CDH4: variants seen among roughly 807,000 people sequenced by gnomAD.
CDH4 encodes the protein cadherin 4.
In CDH4, 33 loss-of-function variants were observed where a neutral mutation model predicts 86.0. The ratio of observed to expected loss-of-function variants is 0.38; its 90% CI spans 0.29 to 0.51. The LOEUF (loss-of-function observed/expected upper bound fraction) is 0.51, where lower values mean the gene tolerates loss of function less well. Among genes scored for constraint, CDH4 ranks in the 20% least tolerant of loss-of-function variants. The pLI is 0.86. For synonymous variants in CDH4, 555 were observed against 549.4 expected (o/e 1.01, Z -0.14); for missense variants, 1,114 against 1,307.4 (o/e 0.85, Z 2.28).
At position 61,923,574 on chromosome 20, in the gene CDH4, G is replaced by A. The variant is rs1040957286; in HGVS notation, c.1498G>A (p.Asp500Asn). Residue 500 changes from aspartate to asparagine, a missense_variant, in exon 10 of 16, where the codon GAC (aspartate) becomes AAC (asparagine). Asp to Asn is a conservative substitution (Grantham distance 23). This residue lies in a region of CDH4 where 705 missense variants were observed against 914.1 expected (regional missense o/e 0.77). Coordinates refer to ENST00000614565, the MANE Select transcript of CDH4 (RefSeq NM_001794.5). Reference protein sequence around the residue: ...STAGVTISIMDINEAPYFPSN... With the variant: ...STAGVTISIMNINEAPYFPSN... Reference sequence around the variant, plus strand: ...GGCAGGGGTGACCATCTCCATCATGGACATCAACGAGGCTCCCTACTTCCC... The same window carrying A: ...GGCAGGGGTGACCATCTCCATCATGAACATCAACGAGGCTCCCTACTTCCC... The A allele has an allele frequency of 6.2e-7, 1 of 1,614,170 alleles. No homozygotes were observed. Among genetic ancestry groups the A allele is most frequent in the Admixed American group, 1.7e-5 (1 of 60,026 alleles).
At chr20:61,857,177 CG>C (rs1252452903) in intron 6 of CDH4, among the ~76,000 whole-genome samples, 1 of 152,240 alleles carries the variant, frequency 6.6e-6, no homozygotes. Flanking sequence ...GGCACACAAC[CG>C]GGGGACACCC....
intron 11 of CDH4, among the ~76,000 whole-genome samples, chr20:61,926,995 G>A (rs78717779): frequency 2.7e-5 from 4 of 148,920 alleles, no homozygotes; most frequent in East Asian, 4.1e-4. Context: ...GGAGCCCCCC[G>A]GTTAACAGAA....
At chr20:61,840,892 C>G (rs574805052) in intron 4 of CDH4, among the ~76,000 whole-genome samples, 2 of 152,378 alleles carry the variant, frequency 1.3e-5, no homozygotes, top group South Asian at 4.1e-4. Context: ...GGCGGCCAAA[C>G]GGGCCTGGAG....
At chr20:61,536,536 C>T (rs1187168993) in intron 2 of CDH4, among the ~76,000 whole-genome samples, 5 of 152,090 alleles carry the variant, frequency 3.3e-5, no homozygotes, top group African/African-American at 9.7e-5. Flanking sequence ...AGCCAGGCCC[C>T]TCACCCCTTC....
intron 2 of CDH4, among the ~76,000 whole-genome samples, chr20:61,267,527 T>C (rs1046814249): frequency 7.6e-4 from 115 of 152,306 alleles, no homozygotes; most frequent in African/African-American, 2.7e-3. Flanking sequence ...AGTAATGGGG[T>C]ATTTTATATT....
chr20:61,532,262 T>G (rs1322814340), intron 2 of CDH4, among the ~76,000 whole-genome samples: 1 of 152,240 alleles, frequency 6.6e-6, no homozygotes. Context: ...CTCTGTCCCC[T>G]GCCTCCAGGC....
rs533451000 is a variant in CDH4, at chr20:61,793,328, G to A, written c.576+20146G>A. On this transcript the variant is annotated intron_variant, in intron 4 of 15. Transcript: ENST00000614565. ...AGCAGAGCAAACATTAGTTCTTGGCGACAAAAAAAACAACTTAGATATTAT... is the reference window on the plus strand; with the variant it reads ...AGCAGAGCAAACATTAGTTCTTGGCAACAAAAAAAACAACTTAGATATTAT... 5.3e-4 allele frequency among the ~76,000 whole-genome samples: 78 copies of A among 148,480 alleles called. 1 individual carries two copies. The highest frequency in any genetic ancestry group is 1.5e-3 in the African/African-American group (58 of 38,486).
chr20:61,689,244 A>G (rs1314228855), intron 2 of CDH4, among the ~76,000 whole-genome samples: 2 of 125,674 alleles, frequency 1.6e-5, no homozygotes, highest in Non-Finnish European at 3.3e-5. Context: ...GTGGTTGGTG[A>G]GGTGATGTGG....
At chr20:61,399,252 C>T (rs2145477292) in intron 2 of CDH4, among the ~76,000 whole-genome samples, 1 of 106,342 alleles carries the variant, frequency 9.4e-6, no homozygotes, top group African/African-American at 4.2e-5. Flanking sequence ...CCTGCCTCAG[C>T]CTCCCGAGTA....
At chr20:61,483,044 G>T (rs952458376) in intron 2 of CDH4, among the ~76,000 whole-genome samples, 9 of 152,220 alleles carry the variant, frequency 5.9e-5, no homozygotes, top group African/African-American at 2.2e-4. Flanking sequence ...GCTAAGTCAG[G>T]ATGGTCCGAA....
intron 2 of CDH4, chr20:61,437,426 G>A (rs1054899376): frequency 6.6e-6 from 1 of 152,164 alleles, no homozygotes; most frequent in African/African-American, 2.4e-5. Context: ...CAGCAAAAAC[G>A]CGGTGACTAG....
chr20:61,617,923 T>C (rs1350816561), intron 2 of CDH4, among the ~76,000 whole-genome samples: 1 of 152,140 alleles, frequency 6.6e-6, no homozygotes, highest in African/African-American at 2.4e-5. Flanking sequence ...GCTGTTCTCA[T>C]GGTAGTGAGT....
intron 15 of CDH4, among the ~76,000 whole-genome samples, chr20:61,935,259 T>TAAAC (rs1898154136): frequency 6.6e-6 from 1 of 152,248 alleles, no homozygotes; most frequent in African/African-American, 2.4e-5. Context: ...GGAATTGATT[T>TAAAC]AAACAGAAGA....
chr20:61,397,574 A>G (rs540404871), intron 2 of CDH4, among the ~76,000 whole-genome samples: 1 of 152,216 alleles, frequency 6.6e-6, no homozygotes, highest in South Asian at 2.1e-4. Flanking sequence ...CGCCCTTTGA[A>G]TTAATACTTT....
In CDH4 at chr20:61,898,519, C is replaced by A. The variant is rs374564399; in HGVS notation, c.1188+3472C>A. Among the ~76,000 whole-genome samples, 9 of 152,296 alleles carry A rather than the reference C, an allele frequency of 5.9e-5. No homozygotes were observed. In the East Asian group the frequency reaches 1.7e-3, roughly 30 times the overall value. ...CACCGATGGGTCCTGCAGTGAAGTT[C>A]TCAGGGACAGGTCCAGACAGCACAG... On this transcript the variant is annotated intron_variant, in intron 8 of 15. Coordinates refer to ENST00000614565, the MANE Select transcript of CDH4 (RefSeq NM_001794.5).
chr20:61,854,421 C>A (rs1178275375), intron 6 of CDH4, among the ~76,000 whole-genome samples: 4 of 151,720 alleles, frequency 2.6e-5, no homozygotes, highest in Admixed American at 2.6e-4. Flanking sequence ...TTGGCCTGCC[C>A]CAGGGCTGCA....
chr20:61,484,101 TG>T (rs898138067), intron 2 of CDH4, among the ~76,000 whole-genome samples: 1 of 152,084 alleles, frequency 6.6e-6, no homozygotes, highest in Non-Finnish European at 1.5e-5. Context: ...CCTACTTAGT[TG>T]GCCAGGCTTC....
chr20:61,702,131 TG>T (rs1284772718), intron 2 of CDH4, among the ~76,000 whole-genome samples: 1 of 152,254 alleles, frequency 6.6e-6, no homozygotes, highest in African/African-American at 2.4e-5. Context: ...CCTTCAGCTC[TG>T]TTGAGTGGTT....
At chr20:61,654,365 G>C (rs1215168113) in intron 2 of CDH4, among the ~76,000 whole-genome samples, 1 of 152,242 alleles carries the variant, frequency 6.6e-6, no homozygotes, top group Non-Finnish European at 1.5e-5. Flanking sequence ...AGTGAGCCGA[G>C]ATGGCAGCAG....
Sources: gnomAD v4.1 joint callset for allele counts (sites outside exome capture counted in the v4.1 genomes callset) on GRCh38, gnomAD v4.1.1 for gene constraint, gnomAD v4.1.1 regional missense constraint, MANE v1.5 for transcripts, NCBI Gene and HGNC (gene_info 2026-07-23, HGNC 2026-07-21) for gene names.